Variants in ROR1 observed in about 807,000 individuals in gnomAD.
ROR1 encodes ROR family WNT receptor 1.
ROR1 carries 19 observed loss-of-function variants against 78.8 expected under a neutral mutation model. The ratio of observed to expected loss-of-function variants is 0.24; its 90% CI spans 0.17 to 0.35. The LOEUF is 0.35. Among genes scored for constraint, ROR1 ranks in the 10% least tolerant of loss-of-function variants. The pLI is 1.00. For synonymous variants in ROR1, 386 were observed against 433.6 expected (o/e 0.89, Z 1.36); for missense variants, 917 against 1,177.8 (o/e 0.78, Z 3.24).
intron 1 of ROR1, among the ~76,000 whole-genome samples, chr1:63,996,235 C>A (rs921196642): frequency 6.6e-6 from 1 of 152,114 alleles, no homozygotes; most frequent in Non-Finnish European, 1.5e-5. Flanking sequence ...AGTGCAAAGT[C>A]TCTTAAGAGT....
At chr1:63,902,211 A>G (rs1249676256) in intron 1 of ROR1, among the ~76,000 whole-genome samples, 1 of 152,234 alleles carries the variant, frequency 6.6e-6, no homozygotes, top group African/African-American at 2.4e-5. Context: ...AAGAATTGTC[A>G]TATGCAACAT....
chr1:63,938,192 T>C (rs1645808461), intron 1 of ROR1, among the ~76,000 whole-genome samples: 1 of 152,208 alleles, frequency 6.6e-6, no homozygotes, highest in African/African-American at 2.4e-5. Context: ...TTTTTTCTTC[T>C]CATTATTCCC....
chr1:64,019,142 C>G lies in ROR1; in HGVS notation c.163+9766C>G, dbSNP rs533541463. On this transcript the variant is annotated intron_variant, in intron 2 of 8. Transcript: ENST00000371079. ...AAGGTCTCCAGGTGATTCTAGTGTG[C>G]AACAAAGTTTGAGAATCACTGCTTT... 2.0e-5 allele frequency among the ~76,000 whole-genome samples: 3 copies of G among 152,288 alleles called. 1 individual carries two copies. The East Asian group carries it at 5.8e-4, about 29-fold the overall frequency.
At chr1:63,823,047 G>T (rs1244747336) in intron 1 of ROR1, among the ~76,000 whole-genome samples, 1 of 151,542 alleles carries the variant, frequency 6.6e-6, no homozygotes, top group Admixed American at 6.6e-5. Flanking sequence ...CAACTTTCTG[G>T]GTTAAAAAAG....
chr1:63,956,047 G>A (rs997407421), intron 1 of ROR1, among the ~76,000 whole-genome samples: 11 of 152,194 alleles, frequency 7.2e-5, no homozygotes, highest in Non-Finnish European at 1.6e-4. Context: ...TGAGGCCCAT[G>A]TAGGTGGTGG....
chr1:64,096,679 A>T (rs900481838), intron 4 of ROR1, among the ~76,000 whole-genome samples: 1 of 152,060 alleles, frequency 6.6e-6, no homozygotes, highest in African/African-American at 2.4e-5. Context: ...TGACTTTGCT[A>T]TTGTGAATAG....
chr1:63,866,956 A>G (rs1326460815), intron 1 of ROR1, among the ~76,000 whole-genome samples: 1 of 152,240 alleles, frequency 6.6e-6, no homozygotes, highest in Non-Finnish European at 1.5e-5. Context: ...GGATGAAATC[A>G]GATAACATAG....
At position 64,140,440 on chromosome 1, in the gene ROR1, C is replaced by T. The variant is rs755857345; in HGVS notation, c.928+14C>T. 5 of 1,609,796 alleles carry T rather than the reference C, an allele frequency of 3.1e-6. No individual in the cohort carries two copies. The highest frequency in any genetic ancestry group is 4.2e-6 in the Non-Finnish European group (5 of 1,176,952). ...CTATAAATAAAAGTAAGTGGTAGCC[C>T]CTGACCTTCTGTGCTCTTCTAAGGG... is the stretch of plus-strand genomic sequence containing the variant. On this transcript the variant is annotated intron_variant, in intron 6 of 8. Coordinates refer to ENST00000371079, the MANE Select transcript of ROR1 (RefSeq NM_005012.4).
intron 8 of ROR1, among the ~76,000 whole-genome samples, chr1:64,167,447 T>C (rs1328923547): frequency 6.6e-6 from 1 of 152,162 alleles, no homozygotes; most frequent in African/African-American, 2.4e-5. Flanking sequence ...TGGTTGAAAC[T>C]CCCTCTAGAA....
At position 64,172,819 on chromosome 1, in the gene ROR1, T is replaced by C. The variant is rs147164462; in HGVS notation, c.1387-4609T>C. ...ACCACATTGGTTCAAACAGACAAAC[T>C]CCACTTGAGGTCAAGCAGAGGTCAT... On this transcript the variant is annotated intron_variant, in intron 8 of 8. Coordinates refer to ENST00000371079, the MANE Select transcript of ROR1 (RefSeq NM_005012.4). Among the ~76,000 whole-genome samples the C allele has an allele frequency of 5.3e-3, 811 of 152,220 alleles. 9 individuals carry two copies. The highest frequency in any genetic ancestry group is 0.017 in the African/African-American group (717 of 41,514).
At chr1:63,807,624 A>G (rs994595942) in intron 1 of ROR1, among the ~76,000 whole-genome samples, 1 of 152,152 alleles carries the variant, frequency 6.6e-6, no homozygotes, top group African/African-American at 2.4e-5. Flanking sequence ...ATTTTGTTAT[A>G]TCATCTTTCC....
intron 4 of ROR1, among the ~76,000 whole-genome samples, chr1:64,103,387 A>G (rs558773936): frequency 1.3e-5 from 2 of 152,296 alleles, no homozygotes; most frequent in East Asian, 3.9e-4. Flanking sequence ...CAACATTTAT[A>G]AAATATCCTC....
intron 4 of ROR1, among the ~76,000 whole-genome samples, chr1:64,056,544 C>T (rs1242048451): frequency 2.6e-5 from 4 of 151,516 alleles, no homozygotes; most frequent in African/African-American, 2.4e-5. Context: ...GGTGTGGTGG[C>T]GAGCATCTGT....
intron 1 of ROR1, among the ~76,000 whole-genome samples, chr1:63,847,968 A>C (rs1238182570): frequency 1.3e-5 from 2 of 152,222 alleles, no homozygotes; most frequent in Admixed American, 6.5e-5. Flanking sequence ...GATAAAAACA[A>C]AACTCATGGA....
chr1:63,828,982 A>T (rs1352211240), intron 1 of ROR1, among the ~76,000 whole-genome samples: 4 of 152,166 alleles, frequency 2.6e-5, no homozygotes, highest in Admixed American at 6.5e-5. Context: ...CCATCATATC[A>T]TCGCCATCTG....
In ROR1 at chr1:64,123,048, C is replaced by T. The variant is rs185695853; in HGVS notation, c.483-14321C>T. 1.6e-4 allele frequency among the ~76,000 whole-genome samples: 25 copies of T among 152,266 alleles called. No homozygotes were observed. In the East Asian group the frequency reaches 4.4e-3, roughly 27 times the overall value. On this transcript the variant is annotated intron_variant, in intron 4 of 8. Coordinates refer to ENST00000371079, the MANE Select transcript of ROR1 (RefSeq NM_005012.4). ...TCACTGATCCAGTAGAATACACTACCAACTGATGCACCATCTTGATTAACA... is the reference window on the plus strand; with the variant it reads ...TCACTGATCCAGTAGAATACACTACTAACTGATGCACCATCTTGATTAACA...
intron 1 of ROR1, among the ~76,000 whole-genome samples, chr1:63,938,885 C>A (rs977073207): frequency 6.6e-6 from 1 of 152,070 alleles, no homozygotes; most frequent in African/African-American, 2.4e-5. Flanking sequence ...GTAGTCCCAG[C>A]TACTTGGGAG....
At chr1:64,100,747 C>G (rs1246183063) in intron 4 of ROR1, among the ~76,000 whole-genome samples, 1 of 152,186 alleles carries the variant, frequency 6.6e-6, no homozygotes, top group African/African-American at 2.4e-5. Context: ...AAGGGAATAT[C>G]AAGCATTAGC....
intron 4 of ROR1, among the ~76,000 whole-genome samples, chr1:64,055,799 CACT>C (rs1165285493): frequency 2.0e-5 from 3 of 152,206 alleles, no homozygotes; most frequent in African/African-American, 4.8e-5. Context: ...TTGCAACTCT[CACT>C]ACTATCTTAT....
Sources: allele counts gnomAD v4.1 joint callset (sites outside exome capture counted in the v4.1 genomes callset), GRCh38; gene constraint gnomAD v4.1.1; transcripts MANE v1.5; gene names NCBI Gene and HGNC (gene_info 2026-07-23, HGNC 2026-07-21).